The following CDC42 variants were observed in gnomAD, a reference collection of about 807,000 sequenced individuals.
CDC42 encodes the protein cell division control protein 42 homolog.
A neutral mutation model predicts 20.8 loss-of-function variants in CDC42; 1 was observed. That is an observed-to-expected ratio of 0.05 (90% CI 0.02 to 0.23). The LOEUF is 0.23. Ranked by LOEUF, CDC42 falls within the 10% of genes least tolerant of loss-of-function variation. The pLI is 1.00. For synonymous variants in CDC42, 72 were observed against 84.8 expected, an observed-to-expected ratio of 0.85 and a Z score of 0.83; for missense variants, 49 against 227.9, an observed-to-expected ratio of 0.21 and a Z score of 5.05.
Position 22,092,799 on chromosome 1 carries a change from A to G in CDC42, c.*1282A>G, listed in dbSNP as rs577715289. ...CAGCTTATTTTGGTTGCAGTTTCCA[A>G]TTTTTAAAAATGTTGAGGTAATCTT... On this transcript the variant is annotated 3_prime_UTR_variant, in exon 6 of 6. Transcript: ENST00000656825. 6.5e-5 allele frequency: 10 copies of G among 152,722 alleles called. No homozygotes were observed. Among genetic ancestry groups the G allele is most frequent in the South Asian group, 6.2e-4 (3 of 4,826 alleles). 9.5% of individuals were successfully genotyped at this position (152,722 alleles called of 1,614,324 possible).
rs748656641 is a variant in CDC42, at chr1:22,100,183, A to C, written c.*8666A>C. 1.4e-4 allele frequency among the ~76,000 whole-genome samples: 21 copies of C among 152,142 alleles called. No individual in the cohort carries two copies. The highest frequency in any genetic ancestry group is 2.6e-4 in the Non-Finnish European group (18 of 68,006). On this transcript the variant is annotated 3_prime_UTR_variant, in exon 6 of 6. Coordinates refer to ENST00000656825, the MANE Select transcript of CDC42 (RefSeq NM_001791.4). ...CTTCTTTCATTAGCTTGACCCAAGC[A>C]CAGGGAGATGACTGGGGCTCTGCCT...
chr1:22,074,619 T>C (rs1645528540), intron 1 of CDC42, among the ~76,000 whole-genome samples: 1 of 152,136 alleles, frequency 6.6e-6, no homozygotes, highest in African/African-American at 2.4e-5. Context: ...AGGTCTTAAC[T>C]ATGTTGCCCA....
intron 1 of CDC42, among the ~76,000 whole-genome samples, chr1:22,058,122 T>G (rs952431899): frequency 6.6e-6 from 1 of 152,186 alleles, no homozygotes; most frequent in Non-Finnish European, 1.5e-5. Context: ...CCCATCAGCA[T>G]AAGTGTCACC....
In CDC42 at chr1:22,081,702, T is replaced by A. The variant is rs367815612; in HGVS notation, c.106-20T>A. 53 of 1,518,182 alleles carry A rather than the reference T, an allele frequency of 3.5e-5. No homozygotes were observed. The highest frequency in any genetic ancestry group is 4.7e-5 in the Non-Finnish European group (51 of 1,093,826). 94.0% of individuals were successfully genotyped at this position (1,518,182 alleles called of 1,614,324 possible). ...ACTCTCTCCTTGCACACTAACAGTG[T>A]TGTATTTTTTTGTTTTTAGGTTTTT... is the stretch of plus-strand genomic sequence containing the variant. On this transcript the variant is annotated intron_variant, in intron 2 of 5. Transcript: ENST00000656825.
rs779188342 is a variant in CDC42 at position 22,086,841 on chromosome 1, A to G, written c.461A>G (p.Tyr154Cys). The G allele has an allele frequency of 1.9e-6, 3 of 1,613,882 alleles. No individual in the cohort carries two copies. Among genetic ancestry groups the G allele is most frequent in the African/African-American group, 2.7e-5 (2 of 74,908 alleles). The change falls in exon 5 of 6, where the codon TAT becomes TGT. Residue 154 changes from tyrosine to cysteine, a missense_variant. Transcript: ENST00000656825. ...GCCCGTGACCTGAAGGCTGTCAAGT[A>G]TGTGGAGTGTTCTGCACTTACACAG... ...KLARDLKAVK[Y>C]VECSALTQKG... is the part of the protein sequence containing the mutation.
At chr1:22,058,802 T>A (rs1255492156) in intron 1 of CDC42, among the ~76,000 whole-genome samples, 1 of 151,704 alleles carries the variant, frequency 6.6e-6, no homozygotes, top group East Asian at 1.9e-4. Context: ...CCCAGCCGAA[T>A]TACGTATTTT....
Position 22,055,490 on chromosome 1 carries a change from A to ATTT in CDC42, c.-51+2762_-51+2764dup, listed in dbSNP as rs35959719. 6.7e-3 allele frequency among the ~76,000 whole-genome samples: 920 copies of ATTT among 137,500 alleles called. 5 individuals carry two copies. Among genetic ancestry groups the ATTT allele is most frequent in the African/African-American group, 0.016 (594 of 37,404 alleles). 90.2% of individuals were successfully genotyped at this position (137,500 alleles called of 152,430 possible). A position where few individuals can be genotyped will look rare whatever the true frequency, so the allele number is the denominator to read the frequency against. ...TAGGGAGTTAAAAAAAAAATTGGTG[A>ATTT]TTTTTTTTTTTTTTTTGGAGACAGG... On this transcript the variant is annotated intron_variant, in intron 1 of 5. Coordinates refer to ENST00000656825, the MANE Select transcript of CDC42 (RefSeq NM_001791.4).
chr1:22,076,951 C>T (rs1557901413), intron 1 of CDC42, among the ~76,000 whole-genome samples: 1 of 151,906 alleles, frequency 6.6e-6, no homozygotes, highest in East Asian at 1.9e-4. Context: ...GAATTCAAGA[C>T]CAGCCTGGGT....
In CDC42 at chr1:22,095,355, C is replaced by T. The variant is rs149283254; in HGVS notation, c.*3838C>T. 1.7e-4 allele frequency among the ~76,000 whole-genome samples: 26 copies of T among 152,128 alleles called. 1 individual carries two copies. Among genetic ancestry groups the T allele is most frequent in the African/African-American group, 4.8e-4 (20 of 41,490 alleles). On this transcript the variant is annotated 3_prime_UTR_variant, in exon 6 of 6. Coordinates refer to ENST00000656825, the MANE Select transcript of CDC42 (RefSeq NM_001791.4). Reference sequence around the variant, plus strand: ...TGCAATCTCGGCTCATTGCAAGCTCCGCCTCCCGGGTTCACACCATTCTCC... The same window carrying T: ...TGCAATCTCGGCTCATTGCAAGCTCTGCCTCCCGGGTTCACACCATTCTCC...
intron 1 of CDC42, among the ~76,000 whole-genome samples, chr1:22,075,270 A>G (rs1490797708): frequency 4.6e-5 from 7 of 152,234 alleles, no homozygotes; most frequent in Non-Finnish European, 8.8e-5. Context: ...TGCTTTGCAG[A>G]ATAGTCTTAA....
intron 1 of CDC42, among the ~76,000 whole-genome samples, chr1:22,063,466 A>G (rs115253705): frequency 6.6e-6 from 1 of 152,276 alleles, no homozygotes; most frequent in African/African-American, 2.4e-5. Context: ...TCTTACTTAG[A>G]TAACTTTTGT....
At chr1:22,055,115 GGCTAATTT>G (rs894951866) in intron 1 of CDC42, among the ~76,000 whole-genome samples, 1 of 150,576 alleles carries the variant, frequency 6.6e-6, no homozygotes, top group Non-Finnish European at 1.5e-5. Context: ...CACCACGCCC[GGCTAATTT>G]TTTGTATTTT....
chr1:22,085,244 A>AAAAAAAAAG lies in CDC42; in HGVS notation c.179-1191_179-1190insAAAAGAAAA, dbSNP rs373016657. Among the ~76,000 whole-genome samples the AAAAAAAAAG allele has an allele frequency of 7.9e-3, 1,072 of 135,932 alleles. 27 individuals carry two copies. The highest frequency in any genetic ancestry group is 0.028 in the African/African-American group (1,004 of 36,086). 89.2% of individuals were successfully genotyped at this position (135,932 alleles called of 152,430 possible). A position where few individuals can be genotyped will look rare whatever the true frequency, so the allele number is the denominator to read the frequency against. ...GAGACTCTGTCTAAAAAAAAAAAAA[A>AAAAAAAAAG]AAAAGAAAAATCATTTGCCCACATA... On this transcript the variant is annotated intron_variant, in intron 3 of 5. Coordinates refer to ENST00000656825, the MANE Select transcript of CDC42 (RefSeq NM_001791.4).
intron 2 of CDC42, among the ~76,000 whole-genome samples, chr1:22,079,608 G>A (rs1239852227): frequency 6.6e-6 from 1 of 152,102 alleles, no homozygotes; most frequent in East Asian, 1.9e-4. Flanking sequence ...GGGAGAATTT[G>A]AAGGTATTAT....
chr1:22,098,034 T>C lies in CDC42; in HGVS notation c.*6517T>C, dbSNP rs979757807. On this transcript the variant is annotated 3_prime_UTR_variant, in exon 6 of 6. Transcript: ENST00000656825. Reference sequence around the variant, plus strand: ...AGGATCATAACTGTTCTGTTTGCTCTGATGCGTCCCGCAGAGCAGTGCTTT... The same window carrying C: ...AGGATCATAACTGTTCTGTTTGCTCCGATGCGTCCCGCAGAGCAGTGCTTT... Among the ~76,000 whole-genome samples, 4 of 152,162 alleles carry C rather than the reference T, an allele frequency of 2.6e-5. No individual in the cohort carries two copies. The highest frequency in any genetic ancestry group is 9.7e-5 in the African/African-American group (4 of 41,442).
In CDC42 at chr1:22,094,291, T is replaced by C. The variant is rs1371955410; in HGVS notation, c.*2774T>C. ...AGTGTTTTACTGAACATCCTAGAAA[T>C]AGATTTTTTTTTTTTTTTTTTTTTG... On this transcript the variant is annotated 3_prime_UTR_variant, in exon 6 of 6. Coordinates refer to ENST00000656825, the MANE Select transcript of CDC42 (RefSeq NM_001791.4). Among the ~76,000 whole-genome samples, 1 of 58,290 alleles carries C rather than the reference T, an allele frequency of 1.7e-5. No individual in the cohort carries two copies. The highest frequency in any genetic ancestry group is 6.5e-4 in the South Asian group (1 of 1,540). 38.2% of individuals were successfully genotyped at this position (58,290 alleles called of 152,430 possible).
intron 1 of CDC42, among the ~76,000 whole-genome samples, chr1:22,053,060 C>T (rs1645253475): frequency 6.6e-6 from 1 of 151,240 alleles, no homozygotes; most frequent in Non-Finnish European, 1.5e-5. Context: ...GGGGGTCACA[C>T]CCATCCTGGG....
At chr1:22,088,698 T>C (rs553710802) in intron 5 of CDC42, among the ~76,000 whole-genome samples, 7 of 152,362 alleles carry the variant, frequency 4.6e-5, no homozygotes, top group Non-Finnish European at 8.8e-5. Context: ...TGTTAAGGGA[T>C]ACACTCCAGT....
intron 1 of CDC42, among the ~76,000 whole-genome samples, chr1:22,072,430 G>A (rs1645502751): frequency 6.6e-6 from 1 of 151,978 alleles, no homozygotes; most frequent in Admixed American, 6.6e-5. Context: ...GTCATAAAGG[G>A]TACAACTCAC....
Sources: gnomAD v4.1 joint callset for allele counts (sites outside exome capture counted in the v4.1 genomes callset) on GRCh38, gnomAD v4.1.1 for gene constraint, MANE v1.5 for transcripts, NCBI Gene and HGNC (gene_info 2026-07-23, HGNC 2026-07-21) for gene names.